Variants in MYT1 observed in about 807,000 individuals in gnomAD.
The protein encoded by MYT1 is myelin transcription factor 1, also known as myelin transcription factor I.
MYT1 carries 23 observed loss-of-function variants against 123.0 expected under a neutral mutation model. The ratio of observed to expected loss-of-function variants is 0.19; its 90% CI spans 0.13 to 0.26. The LOEUF is 0.26. Ranked by LOEUF, MYT1 falls within the 10% of genes least tolerant of loss-of-function variation. The pLI is 1.00. For missense variants in MYT1, 1,125 were observed against 1,472.5 expected, an observed-to-expected ratio of 0.76 and a Z score of 3.86; for synonymous variants, 518 against 575.3, an observed-to-expected ratio of 0.90 and a Z score of 1.43.
chr20:64,200,016 A>C (rs968419119), intron 4 of MYT1, 94 bp downstream of exon 4: 2 of 1,450,906 alleles, frequency 1.4e-6, no homozygotes, highest in Non-Finnish European at 9.7e-7. Flanking sequence ...TCTTGGATTG[A>C]CCAAACACCC....
At chr20:64,201,884 C>CTGTCGGGAACCCCCGTG (rs1337235351) in intron 4 of MYT1, among the ~76,000 whole-genome samples, 1,644 of 139,884 alleles carry the variant, frequency 0.012, 69 homozygotes, top group African/African-American at 0.037. Context: ...ACAGAGTCAC[C>CTGTCGGGAACCCCCGTG]TGTCGGGAAC....
rs536132053 is a variant in MYT1, at chr20:64,168,100, C to T, written c.-99+3361C>T. ...TGCTTTCACGGCCTCTTGAGGTTCC[C>T]GGCATTTTTCTGTCTTTCAGACCAA... On this transcript the variant is annotated intron_variant, in intron 1 of 22. Transcript: ENST00000328439. This position sits in a 1 kb window ranked among gnomAD's most constrained non-coding sequence, Gnocchi z 6.1. 1.2e-4 allele frequency among the ~76,000 whole-genome samples: 18 copies of T among 152,322 alleles called. No individual in the cohort carries two copies. Among genetic ancestry groups the T allele is most frequent in the Non-Finnish European group, 2.1e-4 (14 of 68,032 alleles).
chr20:64,172,333 T>C (rs965455360), intron 1 of MYT1, among the ~76,000 whole-genome samples: 5 of 152,076 alleles, frequency 3.3e-5, no homozygotes, highest in African/African-American at 1.2e-4. Context: ...GAGCCTGGGA[T>C]TGGAGAAGGA....
At chr20:64,226,688 G>A (rs1449206505) in intron 16 of MYT1, among the ~76,000 whole-genome samples, 1 of 152,190 alleles carries the variant, frequency 6.6e-6, no homozygotes, top group Non-Finnish European at 1.5e-5. Flanking sequence ...AATAACATCC[G>A]TGCTTGTAAT....
chr20:64,184,486 A>G (rs755065055), intron 1 of MYT1, among the ~76,000 whole-genome samples: 1 of 152,122 alleles, frequency 6.6e-6, no homozygotes, highest in African/African-American at 2.4e-5. Context: ...ACTTATCCAT[A>G]TGCCCGTCCT....
intron 20 of MYT1, 148 bp from the exon 21 acceptor site, chr20:64,237,139 C>G: frequency 1.6e-6 from 1 of 619,078 alleles, no homozygotes; most frequent in Non-Finnish European, 2.9e-6. Context: ...GGGGTATGAG[C>G]CCCAGAGAGA....
rs78841462 is a variant in MYT1 at position 64,200,895 on chromosome 20, G to T, written c.86+973G>T. On this transcript the variant is annotated intron_variant, in intron 4 of 22. Transcript: ENST00000328439. ...GGTCTGGGGTCCTCAGCATCACACC[G>T]GGTGCTCCCCAGAACACAGTCCCCG... 7.4e-3 allele frequency among the ~76,000 whole-genome samples: 1,127 copies of T among 152,258 alleles called. 14 individuals are homozygous for T. The highest frequency in any genetic ancestry group is 0.026 in the African/African-American group (1,068 of 41,532).
At chr20:64,233,037 G>A (rs1041619640) in intron 19 of MYT1, among the ~76,000 whole-genome samples, 1 of 151,108 alleles carries the variant, frequency 6.6e-6, no homozygotes, top group African/African-American at 2.4e-5. Context: ...GGTCCCATCA[G>A]AAACCCTGTG....
rs565550236 is a variant in MYT1, at chr20:64,181,223, G to A, written c.-98-8840G>A. Among the ~76,000 whole-genome samples the A allele has an allele frequency of 3.9e-4, 59 of 152,042 alleles. No homozygotes were observed. In the East Asian group the frequency reaches 6.0e-3, roughly 15 times the overall value. The stretch of plus-strand genomic sequence containing the variant: ...TGGATGTGGGTCTCTTTTTATTCAC[G>A]ATTATGGGCACTTAATGGGCTTTTT... On this transcript the variant is annotated intron_variant, in intron 1 of 22. Transcript: ENST00000328439.
intron 14 of MYT1, among the ~76,000 whole-genome samples, chr20:64,222,373 C>A (rs1984033788): frequency 6.6e-6 from 1 of 152,242 alleles, no homozygotes; most frequent in Non-Finnish European, 1.5e-5. Flanking sequence ...GCCCTCGGGG[C>A]ACCCAGAGGC....
rs1353251233 is a variant in MYT1, at chr20:64,213,934, G to A, written c.1631+287G>A. On this transcript the variant is annotated intron_variant, in intron 10 of 22. Coordinates refer to ENST00000328439, the MANE Select transcript of MYT1 (RefSeq NM_004535.3). The surrounding 1 kb of genome is among the most constrained non-coding windows in gnomAD (Gnocchi z 5.6). The stretch of plus-strand genomic sequence containing the variant: ...CAGTTGCCTCTGCCTCCGACATGGG[G>A]CTCTGCCTCCTTGGAGTCGTCTGAT... 6.7e-6 allele frequency among the ~76,000 whole-genome samples: 1 copy of A among 149,876 alleles called. No homozygotes were observed. The highest frequency in any genetic ancestry group is 1.5e-5 in the Non-Finnish European group (1 of 66,572).
rs1241382301 is a variant in MYT1, at chr20:64,208,198, C to T, written c.1002C>T (p.Pro334=). ...CTGAGCTCCGGGGCCCAGAATCACCCAGTCCCAAGCCTGAGTACTCTGTTA... is the reference window on the plus strand; with the variant it reads ...CTGAGCTCCGGGGCCCAGAATCACCTAGTCCCAAGCCTGAGTACTCTGTTA... The part of the protein sequence containing the change: ...KAPELRGPES[P]SPKPEYSVIV... Residue 334 remains proline, a synonymous_variant, in exon 7 of 23, where the codon CCC becomes CCT. Coordinates refer to ENST00000328439, the MANE Select transcript of MYT1 (RefSeq NM_004535.3). The surrounding 1 kb of genome is among the most constrained non-coding windows in gnomAD (Gnocchi z 5.4). The T allele has an allele frequency of 6.2e-7, 1 of 1,613,860 alleles. No homozygotes were observed. The highest frequency in any genetic ancestry group is 1.3e-5 in the African/African-American group (1 of 74,934).
chr20:64,197,608 G>A (rs8124118), intron 2 of MYT1, among the ~76,000 whole-genome samples: 3 of 152,202 alleles, frequency 2.0e-5, no homozygotes, highest in African/African-American at 4.8e-5. Flanking sequence ...TCCCCTGTCC[G>A]GCTAGAGGTG....
rs1983578584 is a variant in MYT1, at chr20:64,208,793, G to T, written c.1291+306G>T. 6.6e-6 allele frequency among the ~76,000 whole-genome samples: 1 copy of T among 152,240 alleles called. No homozygotes were observed. Among genetic ancestry groups the T allele is most frequent in the Admixed American group, 6.5e-5 (1 of 15,290 alleles). ...CTGGTCACAGCAGCATCTGGGGTCT[G>T]GAGAGGGTGGGGACCGTCCTGTCCC... On this transcript the variant is annotated intron_variant, in intron 7 of 22. Transcript: ENST00000328439. The surrounding 1 kb of genome is among the most constrained non-coding windows in gnomAD (Gnocchi z 5.4).
chr20:64,173,546 TA>T (rs1982358275), intron 1 of MYT1, among the ~76,000 whole-genome samples: 1 of 24,706 alleles, frequency 4.0e-5, no homozygotes, highest in African/African-American at 1.5e-4. Context: ...TCCTTCCCTT[TA>T]GTTGTGTCCA....
chr20:64,221,602 A>C (rs1365741178), intron 13 of MYT1, among the ~76,000 whole-genome samples: 1 of 152,058 alleles, frequency 6.6e-6, no homozygotes, highest in East Asian at 1.9e-4. Flanking sequence ...TGGCGGAGGG[A>C]GGCCAGGGAG....
rs756810290 is a variant in MYT1 at position 64,227,481 on chromosome 20, A to G, written c.2591+4A>G. The G allele has an allele frequency of 9.9e-6, 16 of 1,611,666 alleles. No homozygotes were observed. The East Asian group carries it at 3.3e-4, about 34-fold the overall frequency. On this transcript the variant is annotated splice_donor_region_variant and intron_variant, in intron 17 of 22. Transcript: ENST00000328439. ...GGAACTACGCTTCACACCGGAGGTG[A>G]GCCTGCCACACCCTCAGGTCCTGGG... is the stretch of plus-strand genomic sequence containing the variant.
rs749829352 is a variant in MYT1, at chr20:64,223,185, G to A, written c.2459+12G>A. 2.5e-6 allele frequency: 4 copies of A among 1,614,182 alleles called. No homozygotes were observed. Among genetic ancestry groups the A allele is most frequent in the Non-Finnish European group, 3.4e-6 (4 of 1,180,052 alleles). ...GCCTCCCACCGCAGGTTTGTCTCCT[G>A]CTCGGGTCCGTCTGGCCTGGGTGCT... On this transcript the variant is annotated intron_variant, in intron 15 of 22. Coordinates refer to ENST00000328439, the MANE Select transcript of MYT1 (RefSeq NM_004535.3).
At chr20:64,171,581 A>G (rs182139013) in intron 1 of MYT1, among the ~76,000 whole-genome samples, 141 of 152,240 alleles carry the variant, frequency 9.3e-4, no homozygotes, top group African/African-American at 3.3e-3. Context: ...GCTGACCCCT[A>G]TCCTCTGGCA....
Sources: allele counts gnomAD v4.1 joint callset (sites outside exome capture counted in the v4.1 genomes callset), GRCh38; gene constraint gnomAD v4.1.1; non-coding constraint Gnocchi (gnomAD v3.1); transcripts MANE v1.5; gene names NCBI Gene and HGNC (gene_info 2026-07-23, HGNC 2026-07-21).